Variants in ADGRL2 observed in about 807,000 individuals in gnomAD.
The protein encoded by ADGRL2 is calcium-independent alpha-latrotoxin receptor 2.
ADGRL2 carries 44 observed loss-of-function variants against 157.4 expected under a neutral mutation model. The observed-to-expected ratio is 0.28, with a 90% CI of 0.22 to 0.36. The LOEUF (loss-of-function observed/expected upper bound fraction) is 0.36, where lower values mean the gene tolerates loss of function less well. Ranked by LOEUF, ADGRL2 falls within the 10% of genes least tolerant of loss-of-function variation. The pLI is 1.00. For missense variants in ADGRL2, 1,510 were observed against 1,768.9 expected (o/e 0.85, Z 2.63); for synonymous variants, 585 against 624.7 (o/e 0.94, Z 0.95).
intron 1 of ADGRL2, among the ~76,000 whole-genome samples, chr1:81,318,860 C>T (rs1660289175): frequency 6.8e-6 from 1 of 146,800 alleles, no homozygotes; most frequent in Admixed American, 6.9e-5. Flanking sequence ...TCATCTCTGT[C>T]TTCTTTTTTC....
chr1:81,830,555 T>C (rs956253436), intron 1 of ADGRL2, among the ~76,000 whole-genome samples: 1 of 152,194 alleles, frequency 6.6e-6, no homozygotes, highest in Admixed American at 6.5e-5. Context: ...TCTCCTGGGC[T>C]GGAGTGCAGT....
intron 2 of ADGRL2, among the ~76,000 whole-genome samples, chr1:81,904,871 G>A (rs2094555450): frequency 6.6e-6 from 1 of 151,916 alleles, no homozygotes; most frequent in African/African-American, 2.4e-5. Context: ...TCTGTCTCGG[G>A]GTGGGGGCAG....
At chr1:81,348,773 CT>C (rs1192469176) in intron 1 of ADGRL2, among the ~76,000 whole-genome samples, 3 of 152,094 alleles carry the variant, frequency 2.0e-5, no homozygotes, top group African/African-American at 4.8e-5. Context: ...CTGACCAAGC[CT>C]TTCCAGTGTA....
intron 3 of ADGRL2, among the ~76,000 whole-genome samples, chr1:81,936,426 T>C (rs538046823): frequency 1.3e-5 from 2 of 152,022 alleles, no homozygotes; most frequent in Admixed American, 1.3e-4. Flanking sequence ...GATCTTGTTG[T>C]CGTTCAGTTC....
chr1:81,389,270 A>G (rs2076493008), intron 1 of ADGRL2, among the ~76,000 whole-genome samples: 1 of 152,166 alleles, frequency 6.6e-6, no homozygotes, highest in Non-Finnish European at 1.5e-5. Context: ...TAAACAATGG[A>G]GACAATGTCT....
intron 1 of ADGRL2, among the ~76,000 whole-genome samples, chr1:81,444,791 C>T (rs973177854): frequency 6.6e-6 from 1 of 152,154 alleles, no homozygotes; most frequent in African/African-American, 2.4e-5. Flanking sequence ...TTCCAGGAAT[C>T]GTTTTAGATC....
intron 2 of ADGRL2, among the ~76,000 whole-genome samples, chr1:81,504,098 T>C (rs1181319814): frequency 6.6e-6 from 1 of 152,310 alleles, no homozygotes; most frequent in Admixed American, 6.5e-5. Context: ...GTGAGGGCAG[T>C]TCAGGGCCAG....
chr1:81,843,016 C>T (rs2150339219), intron 2 of ADGRL2, among the ~76,000 whole-genome samples: 1 of 152,212 alleles, frequency 6.6e-6, no homozygotes, highest in Non-Finnish European at 1.5e-5. Context: ...TCACAACTCC[C>T]ATTAAATTAA....
At chr1:81,825,985 G>A (rs2091446193) in intron 1 of ADGRL2, among the ~76,000 whole-genome samples, 1 of 152,066 alleles carries the variant, frequency 6.6e-6, no homozygotes, top group Non-Finnish European at 1.5e-5. Flanking sequence ...GAGGATTAAG[G>A]TATTTCAGGG....
chr1:81,844,408 C>T (rs752715774), intron 2 of ADGRL2, among the ~76,000 whole-genome samples: 14 of 152,104 alleles, frequency 9.2e-5, no homozygotes, highest in Non-Finnish European at 1.8e-4. Context: ...TTTTAATATA[C>T]GATAGCTTGT....
At chr1:81,823,769 A>G (rs1198340802) in intron 1 of ADGRL2, among the ~76,000 whole-genome samples, 1 of 151,994 alleles carries the variant, frequency 6.6e-6, no homozygotes, top group Non-Finnish European at 1.5e-5. Context: ...GGCAGAGGAG[A>G]TTCCAGGCAG....
intron 2 of ADGRL2, among the ~76,000 whole-genome samples, chr1:81,551,685 A>G (rs903264388): frequency 6.6e-6 from 1 of 152,194 alleles, no homozygotes; most frequent in Non-Finnish European, 1.5e-5. Flanking sequence ...AGTTGAAAAA[A>G]ATAGGAAATT....
intron 1 of ADGRL2, among the ~76,000 whole-genome samples, chr1:81,321,650 T>G (rs1660507669): frequency 6.6e-6 from 1 of 152,158 alleles, no homozygotes; most frequent in South Asian, 2.1e-4. Context: ...CCCACACATT[T>G]ATCAATTAAA....
rs115614187 is a variant in ADGRL2 at position 81,312,533 on chromosome 1, G to A, written c.-302+6024G>A. Among the ~76,000 whole-genome samples, 1,326 of 152,240 alleles carry A rather than the reference G, an allele frequency of 8.7e-3. 16 individuals are homozygous for A. The highest frequency in any genetic ancestry group is 0.03 in the African/African-American group (1,266 of 41,532). ...GGTCCCAGTTCCTCCAAATATTCGG[G>A]GTAGGTAAAGGAACTAAACATATGG... On this transcript the variant is annotated intron_variant, in intron 1 of 24. Transcript: ENST00000370721.
intron 3 of ADGRL2, among the ~76,000 whole-genome samples, chr1:81,927,211 C>A (rs1219321998): frequency 6.6e-6 from 1 of 151,866 alleles, no homozygotes; most frequent in African/African-American, 2.4e-5. Flanking sequence ...TACTGTCAAG[C>A]TTTTGTTGAC....
intron 1 of ADGRL2, among the ~76,000 whole-genome samples, chr1:81,391,231 T>G (rs904317066): frequency 6.6e-6 from 1 of 152,306 alleles, no homozygotes; most frequent in African/African-American, 2.4e-5. Context: ...ACTGTTGATA[T>G]AGGAGTGACA....
intron 1 of ADGRL2, among the ~76,000 whole-genome samples, chr1:81,340,896 T>TG (rs940182326): frequency 1.3e-5 from 2 of 151,576 alleles, no homozygotes; most frequent in African/African-American, 4.9e-5. Context: ...AGCAAAGGTT[T>TG]TTTTTTTTTT....
At chr1:81,702,152 C>T (rs549100520) in intron 1 of ADGRL2, among the ~76,000 whole-genome samples, 1 of 152,220 alleles carries the variant, frequency 6.6e-6, no homozygotes, top group African/African-American at 2.4e-5. Flanking sequence ...CATACCTTTC[C>T]CTGAAAGCCT....
intron 2 of ADGRL2, among the ~76,000 whole-genome samples, chr1:81,535,311 A>T (rs540162798): frequency 1.3e-5 from 2 of 152,252 alleles, no homozygotes; most frequent in South Asian, 4.1e-4. Flanking sequence ...TCTTTTTCAA[A>T]TTAAAGTTAT....
Sources: allele counts gnomAD v4.1 joint callset (sites outside exome capture counted in the v4.1 genomes callset), GRCh38; gene constraint gnomAD v4.1.1; transcripts MANE v1.5; gene names NCBI Gene and HGNC (gene_info 2026-07-23, HGNC 2026-07-21).